The following UBR7 variants were observed in gnomAD, a reference collection of about 807,000 sequenced individuals.
The protein encoded by UBR7 is putative E3 ubiquitin-protein ligase UBR7.
In UBR7, 22 loss-of-function variants were observed where a neutral mutation model predicts 57.0. The observed-to-expected ratio is 0.39, with a 90% CI of 0.28 to 0.55. The LOEUF is 0.55. Ranked by LOEUF, UBR7 falls within the 20% of genes least tolerant of loss-of-function variation. The pLI is 0.69. For missense variants in UBR7, 395 were observed against 513.2 expected (o/e 0.77, Z 2.23); for synonymous variants, 167 against 179.8 (o/e 0.93, Z 0.57).
At position 93,218,634 on chromosome 14, in the gene UBR7, A is replaced by G; in HGVS notation, c.709A>G (p.Lys237Glu). 1.2e-6 allele frequency: 2 copies of G among 1,614,180 alleles called. No individual in the cohort carries two copies. The highest frequency in any genetic ancestry group is 1.7e-6 in the Non-Finnish European group (2 of 1,180,048). Reference sequence around the variant, plus strand: ...TGGAGAGCATCAAGATAGTACCCTCAAAGAGGATGTTCCAGAACAGGGAAA... The same window carrying G: ...TGGAGAGCATCAAGATAGTACCCTCGAAGAGGATGTTCCAGAACAGGGAAA... ...ENGEHQDSTL[K>E]EDVPEQGKDD... Residue 237 changes from lysine to glutamate, a missense_variant, in exon 7 of 11, where the codon AAA becomes GAA. Physicochemically the swap from Lys to Glu is moderately conservative, Grantham distance 56. Coordinates refer to ENST00000013070, the MANE Select transcript of UBR7 (RefSeq NM_175748.4).
chr14:93,222,815 G>C (rs1433306491), intron 10 of UBR7, among the ~76,000 whole-genome samples: 1 of 152,128 alleles, frequency 6.6e-6, no homozygotes, highest in Non-Finnish European at 1.5e-5. Context: ...GAGCAAATTG[G>C]CAGGCTAAGG....
In UBR7 at chr14:93,207,444, G is replaced by A. The variant is rs778975234; in HGVS notation, c.150+3G>A. 14 of 1,546,632 alleles carry A rather than the reference G, an allele frequency of 9.1e-6. No individual in the cohort carries two copies. In the East Asian group the frequency reaches 1.7e-4, roughly 19 times the overall value. On this transcript the variant is annotated splice_donor_region_variant and intron_variant, in intron 1 of 10. Coordinates refer to ENST00000013070, the MANE Select transcript of UBR7 (RefSeq NM_175748.4). ...CCGAGAAGTGCTCCTACTCTCAGGTGGGCGCGCGGCCCGGGCCTCCTCTCC... is the reference window on the plus strand; with the variant it reads ...CCGAGAAGTGCTCCTACTCTCAGGTAGGCGCGCGGCCCGGGCCTCCTCTCC...
chr14:93,227,949 T>G lies in UBR7; in HGVS notation c.*914T>G. On this transcript the variant is annotated 3_prime_UTR_variant, in exon 11 of 11. Transcript: ENST00000013070. ...AAGCATATATCAAAAATGGACCTAT[T>G]TTGATATTCTGTTATGAAAATGTTA... 1.4e-6 allele frequency: 1 copy of G among 700,542 alleles called. No homozygotes were observed. Among genetic ancestry groups the G allele is most frequent in the Non-Finnish European group, 2.6e-6 (1 of 384,798 alleles). 43.4% of individuals were successfully genotyped at this position (700,542 alleles called of 1,614,324 possible).
rs1894896579 is a variant in UBR7 at position 93,227,993 on chromosome 14, A to G, written c.*958A>G. The G allele has an allele frequency of 7.2e-6, 5 of 699,212 alleles. No individual in the cohort carries two copies. The highest frequency in any genetic ancestry group is 1.5e-5 in the South Asian group (1 of 66,684). The allele number at this position is 699,212 out of a possible 1,614,324, so 43.3% of individuals were successfully genotyped here. On this transcript the variant is annotated 3_prime_UTR_variant, in exon 11 of 11. Coordinates refer to ENST00000013070, the MANE Select transcript of UBR7 (RefSeq NM_175748.4). The stretch of plus-strand genomic sequence containing the variant: ...AATGTTATTAGAACCCCAATAAATT[A>G]TTATTTTTCCCCCTTGAATCTGCTA...
chr14:93,227,225 G>T lies in UBR7; in HGVS notation c.*190G>T. The stretch of plus-strand genomic sequence containing the variant: ...TGACTTCACAGCCAGCGTCCTCTGT[G>T]ACTCAGCTGATGCAGCTCATTCCAC... On this transcript the variant is annotated 3_prime_UTR_variant, in exon 11 of 11. Coordinates refer to ENST00000013070, the MANE Select transcript of UBR7 (RefSeq NM_175748.4). 1.6e-6 allele frequency: 1 copy of T among 636,138 alleles called. No individual in the cohort carries two copies. Among genetic ancestry groups the T allele is most frequent in the East Asian group, 3.2e-5 (1 of 31,188 alleles). The allele number at this position is 636,138 out of a possible 1,614,324, so 39.4% of individuals were successfully genotyped here. A position where few individuals can be genotyped will look rare whatever the true frequency, so the allele number is the denominator to read the frequency against.
chr14:93,215,199 G>T lies in UBR7; in HGVS notation c.519G>T (p.Glu173Asp), dbSNP rs762511172. 2.5e-6 allele frequency: 4 copies of T among 1,584,210 alleles called. No individual in the cohort carries two copies. The South Asian group carries it at 4.6e-5, about 18-fold the overall frequency. The change falls in exon 6 of 11, where the codon GAG becomes GAT. Residue 173 changes from glutamate to aspartate, a missense_variant. Coordinates refer to ENST00000013070, the MANE Select transcript of UBR7 (RefSeq NM_175748.4). The part of the protein sequence containing the change: ...HGRHLGAIPP[E>D]SGDFQEMVCQ... ...AGCATCTTGGTGCCATTCCCCCTGA[G>T]AGTGGGGATTTTCAGGAGATGGTAT... is the stretch of plus-strand genomic sequence containing the variant.
rs564778292 is a variant in UBR7 at position 93,228,225 on chromosome 14, G to A, written c.*1190G>A. The A allele has an allele frequency of 2.1e-4, 103 of 489,934 alleles. No individual in the cohort carries two copies. The highest frequency in any genetic ancestry group is 1.9e-3 in the African/African-American group (96 of 51,748). The allele number at this position is 489,934 out of a possible 1,614,324, so 30.3% of individuals were successfully genotyped here. A position where few individuals can be genotyped will look rare whatever the true frequency, so the allele number is the denominator to read the frequency against. ...AGATCCTCATGGAAGGTTGTACAGA[G>A]CCCCACATTTGAGGGGAAGTCCTTT... On this transcript the variant is annotated 3_prime_UTR_variant, in exon 11 of 11. Coordinates refer to ENST00000013070, the MANE Select transcript of UBR7 (RefSeq NM_175748.4).
At chr14:93,207,953 T>TTTCC (rs1894401315) in intron 1 of UBR7, among the ~76,000 whole-genome samples, 1 of 152,120 alleles carries the variant, frequency 6.6e-6, no homozygotes, top group African/African-American at 2.4e-5. Context: ...AGCTAGTACT[T>TTTCC]TTTCTTTCTT....
At chr14:93,214,315 C>A (rs1271716023) in intron 4 of UBR7, among the ~76,000 whole-genome samples, 2 of 152,080 alleles carry the variant, frequency 1.3e-5, no homozygotes, top group South Asian at 4.1e-4. Context: ...AAGAAGCCTA[C>A]GATAGGAAAA....
At chr14:93,218,831 G>A (rs1894647501) in intron 7 of UBR7, 96 bp downstream of exon 7, 1 of 1,300,940 alleles carries the variant, frequency 7.7e-7, no homozygotes, top group African/African-American at 1.5e-5. Context: ...TGAGGTGGCG[G>A]ATCACCTGAG....
intron 6 of UBR7, 136 bp downstream of exon 6, chr14:93,215,417 G>T: frequency 1.2e-6 from 1 of 831,868 alleles, no homozygotes; most frequent in Non-Finnish European, 2.0e-6. Context: ...CAGGCATGGT[G>T]GCTCACGCCT....
At chr14:93,219,486 A>C in intron 8 of UBR7, 125 bp downstream of exon 8, 1 of 1,267,594 alleles carries the variant, frequency 7.9e-7, no homozygotes. Flanking sequence ...AGAACACCTG[A>C]ACAATATATT....
At chr14:93,208,376 G>A (rs1042660108) in intron 1 of UBR7, among the ~76,000 whole-genome samples, 9 of 151,718 alleles carry the variant, frequency 5.9e-5, no homozygotes, top group African/African-American at 2.2e-4. Context: ...CAAAGTGCTA[G>A]ATTGTTGAAT....
In UBR7 at chr14:93,218,790, T is replaced by A. The variant is rs537115623; in HGVS notation, c.810+55T>A. On this transcript the variant is annotated intron_variant, in intron 7 of 10. Coordinates refer to ENST00000013070, the MANE Select transcript of UBR7 (RefSeq NM_175748.4). ...ATAAGACTGGGCCAGGCGCGGTGGC[T>A]CATGCCCATAATCCCAGCACTTTGG... The A allele has an allele frequency of 9.0e-5, 141 of 1,569,908 alleles. No homozygotes were observed. In the African/African-American group the frequency reaches 1.7e-3, roughly 19 times the overall value.
Position 93,219,292 on chromosome 14 carries a change from A to G in UBR7, c.891A>G (p.Ile297Met), listed in dbSNP as rs751751098. 2.2e-5 allele frequency: 36 copies of G among 1,614,222 alleles called. No individual in the cohort carries two copies. The South Asian group carries it at 3.1e-4, about 14-fold the overall frequency. The change falls in exon 8 of 11, where the codon ATA becomes ATG. Residue 297 changes from isoleucine (I) to methionine (M), a missense_variant. Ile to Met is a conservative substitution (Grantham distance 10). Transcript: ENST00000013070. Reference sequence around the variant, plus strand: ...AGGAGCTTAAAGCTAAGCAGCTTATAAAGAAAGACACTGCCACCTATTGGC... The same window carrying G: ...AGGAGCTTAAAGCTAAGCAGCTTATGAAGAAAGACACTGCCACCTATTGGC... ...KLQELKAKQL[I>M]KKDTATYWPL...
In UBR7 at chr14:93,228,448, G is replaced by A. The variant is rs1242325195; in HGVS notation, c.*1413G>A. On this transcript the variant is annotated 3_prime_UTR_variant, in exon 11 of 11. Coordinates refer to ENST00000013070, the MANE Select transcript of UBR7 (RefSeq NM_175748.4). ...TATATTAATACTCCTTATGTGTCCA[G>A]CATCTGTGTATTCATTCGAGTGCCC... The A allele has an allele frequency of 2.2e-6, 1 of 454,006 alleles. No individual in the cohort carries two copies. The highest frequency in any genetic ancestry group is 2.0e-5 in the African/African-American group (1 of 50,006). The allele number at this position is 454,006 out of a possible 1,614,324, so 28.1% of individuals were successfully genotyped here.
chr14:93,217,845 C>G lies in UBR7; in HGVS notation c.602-682C>G, dbSNP rs545987471. Among the ~76,000 whole-genome samples, 13 of 152,228 alleles carry G rather than the reference C, an allele frequency of 8.5e-5. No individual in the cohort carries two copies. In the South Asian group the frequency reaches 2.7e-3, roughly 32 times the overall value. On this transcript the variant is annotated intron_variant, in intron 6 of 10. Transcript: ENST00000013070. ...ATGTGGTGGCTCATGCCTGTAATCCCAGCACTTTGGGAGGCCGAGGCAGGT... is the reference window on the plus strand; with the variant it reads ...ATGTGGTGGCTCATGCCTGTAATCCGAGCACTTTGGGAGGCCGAGGCAGGT...
Position 93,228,554 on chromosome 14 carries a change from G to A in UBR7, c.*1519G>A. ...GCACAACCATGTTCTTCGGCACTCA[G>A]GCTCCTAATTGCAGATCCTCACGAA... is the stretch of plus-strand genomic sequence containing the variant. On this transcript the variant is annotated 3_prime_UTR_variant, in exon 11 of 11. Transcript: ENST00000013070. 2.2e-6 allele frequency: 1 copy of A among 454,074 alleles called. No homozygotes were observed. Among genetic ancestry groups the A allele is most frequent in the Non-Finnish European group, 4.4e-6 (1 of 226,798 alleles). The allele number at this position is 454,074 out of a possible 1,614,324, so 28.1% of individuals were successfully genotyped here. A position where few individuals can be genotyped will look rare whatever the true frequency, so the allele number is the denominator to read the frequency against.
intron 1 of UBR7, among the ~76,000 whole-genome samples, chr14:93,209,546 C>A (rs1894436638): frequency 6.6e-6 from 1 of 152,002 alleles, no homozygotes; most frequent in Non-Finnish European, 1.5e-5. Flanking sequence ...TTGAGACCAG[C>A]CTGGGCAACA....
Sources: allele counts gnomAD v4.1 joint callset (sites outside exome capture counted in the v4.1 genomes callset), GRCh38; gene constraint gnomAD v4.1.1; transcripts MANE v1.5; gene names NCBI Gene and HGNC (gene_info 2026-07-23, HGNC 2026-07-21).